The following BMS1 variants were observed in gnomAD, a reference collection of about 807,000 sequenced individuals.
BMS1 encodes BMS1 ribosome biogenesis factor.
Under a neutral mutation model 138.7 loss-of-function variants are expected in BMS1, and 53 were observed. The ratio of observed to expected loss-of-function variants is 0.38; its 90% CI spans 0.31 to 0.48. The LOEUF (loss-of-function observed/expected upper bound fraction) is 0.48, where lower values mean the gene tolerates loss of function less well. Ranked by LOEUF, BMS1 falls within the 20% of genes least tolerant of loss-of-function variation. BMS1 has a pLI of 0.97. For missense variants in BMS1, 1,360 were observed against 1,565.5 expected (o/e 0.87, Z 2.22); for synonymous variants, 504 against 539.9 (o/e 0.93, Z 0.92).
chr10:42,823,992 A>C (rs1418961980), intron 21 of BMS1, among the ~76,000 whole-genome samples: 1 of 152,244 alleles, frequency 6.6e-6, no homozygotes, highest in African/African-American at 2.4e-5. Flanking sequence ...GATTGAAGAC[A>C]AACTTTTCTT....
intron 13 of BMS1, among the ~76,000 whole-genome samples, chr10:42,804,750 G>A (rs1397251669): frequency 1.3e-5 from 2 of 151,074 alleles, no homozygotes; most frequent in Non-Finnish European, 2.9e-5. Context: ...TTTTGGGATG[G>A]AGTCTTGCTC....
At chr10:42,806,546 C>G (rs1301232891) in intron 13 of BMS1, among the ~76,000 whole-genome samples, 1 of 151,964 alleles carries the variant, frequency 6.6e-6, no homozygotes, top group Non-Finnish European at 1.5e-5. Context: ...ACCAGCCTGG[C>G]CAACATGGTG....
chr10:42,833,968 C>G lies in BMS1; in HGVS notation c.*2872C>G, dbSNP rs1413294137. ...AAAGAAGGGAGGGCATTCCAGGTAA[C>G]TGAAGCATTGCTATGCAAAGTAAGC... is the stretch of plus-strand genomic sequence containing the variant. On this transcript the variant is annotated 3_prime_UTR_variant, in exon 23 of 23. Transcript: ENST00000374518. The G allele has an allele frequency of 1.3e-5, 2 of 152,194 alleles. No individual in the cohort carries two copies. The highest frequency in any genetic ancestry group is 2.9e-5 in the Non-Finnish European group (2 of 68,034). The allele number at this position is 152,194 out of a possible 1,614,324, so 9.4% of individuals were successfully genotyped here.
intron 21 of BMS1, among the ~76,000 whole-genome samples, chr10:42,824,555 T>C (rs1192406727): frequency 2.0e-5 from 3 of 152,318 alleles, no homozygotes; most frequent in African/African-American, 7.2e-5. Context: ...AAATTATTGC[T>C]AAGGCCAACG....
chr10:42,790,524 A>G lies in BMS1; in HGVS notation c.636+13A>G. 6.2e-7 allele frequency: 1 copy of G among 1,612,654 alleles called. No homozygotes were observed. The highest frequency in any genetic ancestry group is 8.5e-7 in the Non-Finnish European group (1 of 1,178,866). ...GGAAGTTTACCCGGTACGAAGAGAA[A>G]TAATTGTTGGATACTAACAGTATAA... On this transcript the variant is annotated intron_variant, in intron 5 of 22. Transcript: ENST00000374518.
intron 12 of BMS1, among the ~76,000 whole-genome samples, chr10:42,801,122 A>G (rs548752858): frequency 6.6e-6 from 1 of 152,302 alleles, no homozygotes; most frequent in South Asian, 2.1e-4. Context: ...AGGAAATGGT[A>G]TTTCAACGTG....
intron 5 of BMS1, 76 bp downstream of exon 5, chr10:42,790,587 C>T (rs1485127716): frequency 8.2e-6 from 12 of 1,469,630 alleles, no homozygotes; most frequent in Non-Finnish European, 1.1e-5. Flanking sequence ...GGTGCAGTGG[C>T]TAACACCTGT....
chr10:42,830,508 C>G, intron 22 of BMS1, 86 bp downstream of exon 22: 1 of 1,498,784 alleles, frequency 6.7e-7, no homozygotes, highest in South Asian at 1.4e-5. Flanking sequence ...CTACTGTAGT[C>G]TCAGTTATTC....
rs1321145877 is a variant in BMS1 at position 42,823,721 on chromosome 10, C to T, written c.3393C>T (p.Thr1131=). 6.3e-7 allele frequency: 1 copy of T among 1,595,952 alleles called. No homozygotes were observed. The highest frequency in any genetic ancestry group is 2.2e-5 in the East Asian group (1 of 44,860). Reference sequence around the variant, plus strand: ...AAGACACCTGGTCAGGAATGCGGACCACGGGCCAACTCAGGCTCGCCCATG... The same window carrying T: ...AAGACACCTGGTCAGGAATGCGGACTACGGGCCAACTCAGGCTCGCCCATG... ...GEKDTWSGMR[T]TGQLRLAHGV... The change falls in exon 21 of 23, where the codon ACC becomes ACT. Residue 1131 remains threonine, a synonymous_variant. Transcript: ENST00000374518.
rs574669922 is a variant in BMS1, at chr10:42,811,734, C to T, written c.2330-4865C>T. 2.3e-4 allele frequency among the ~76,000 whole-genome samples: 34 copies of T among 150,418 alleles called. No homozygotes were observed. The East Asian group carries it at 3.6e-3, about 16-fold the overall frequency. On this transcript the variant is annotated intron_variant, in intron 13 of 22. Transcript: ENST00000374518. The stretch of plus-strand genomic sequence containing the variant: ...AGAGACGGGGTTTCACCGTTTTAGC[C>T]GGGATGGTCTCGATCTCCTGACCTC...
intron 18 of BMS1, among the ~76,000 whole-genome samples, chr10:42,821,239 A>G (rs1397485285): frequency 6.6e-6 from 1 of 152,126 alleles, no homozygotes; most frequent in Non-Finnish European, 1.5e-5. Context: ...TATCTAAGCA[A>G]GTACTTAAGC....
At chr10:42,803,130 G>A (rs1348968512) in intron 13 of BMS1, among the ~76,000 whole-genome samples, 2 of 152,040 alleles carry the variant, frequency 1.3e-5, no homozygotes, top group Non-Finnish European at 2.9e-5. Flanking sequence ...GAAGCCTCCC[G>A]AGTAGCTAGG....
chr10:42,813,522 C>G (rs1407975860), intron 13 of BMS1, among the ~76,000 whole-genome samples: 6 of 152,096 alleles, frequency 3.9e-5, no homozygotes, highest in Admixed American at 3.9e-4. Flanking sequence ...ATTTATGTCT[C>G]TTTACCTTTT....
intron 22 of BMS1, 87 bp downstream of exon 22, chr10:42,830,509 TCA>T: frequency 6.7e-7 from 1 of 1,491,636 alleles, no homozygotes; most frequent in Non-Finnish European, 9.0e-7. Flanking sequence ...TACTGTAGTC[TCA>T]GTTATTCAGG....
rs1475109988 is a variant in BMS1 at position 42,820,377 on chromosome 10, A to G, written c.2722A>G (p.Ile908Val). Residue 908 changes from isoleucine to valine, a missense_variant, in exon 16 of 23, where the codon ATC becomes GTC. This residue lies in a region of BMS1 where 425 missense variants were observed against 568.3 expected (regional missense o/e 0.75). Transcript: ENST00000374518. ...VQNFDPHYPIILGGLGNSEGN... is the reference protein window; with the variant it reads ...VQNFDPHYPIVLGGLGNSEGN... Reference sequence around the variant, plus strand: ...GAACTTTGACCCCCATTACCCCATTATCCTGGGTGGCTTGGGCAACAGTGA... The same window carrying G: ...GAACTTTGACCCCCATTACCCCATTGTCCTGGGTGGCTTGGGCAACAGTGA... The G allele has an allele frequency of 6.2e-7, 1 of 1,613,720 alleles. No homozygotes were observed. The highest frequency in any genetic ancestry group is 8.5e-7 in the Non-Finnish European group (1 of 1,179,858).
Position 42,830,960 on chromosome 10 carries a change from G to C in BMS1, c.3713G>C (p.Arg1238Thr), listed in dbSNP as rs1842785955. 6 of 1,610,040 alleles carry C rather than the reference G, an allele frequency of 3.7e-6. No homozygotes were observed. Among genetic ancestry groups the C allele is most frequent in the Non-Finnish European group, 4.2e-6 (5 of 1,178,038 alleles). ...QRHLHNKEHF[R>T]AKQKEEEEKL... is the part of the protein sequence containing the mutation. ...CACCTGCACAATAAAGAGCACTTCA[G>C]AGCCAAGCAGAAGGAGGAGGAGGAG... Residue 1238 changes from arginine to threonine, a missense_variant, in exon 23 of 23, where the codon AGA (arginine) becomes ACA (threonine). Arg to Thr is a moderately conservative substitution (Grantham distance 71). This residue lies in a region of BMS1 where 425 missense variants were observed against 568.3 expected (regional missense o/e 0.75). Transcript: ENST00000374518.
At chr10:42,783,252 C>G (rs1039345684) in intron 1 of BMS1, among the ~76,000 whole-genome samples, 22 of 152,144 alleles carry the variant, frequency 1.4e-4, no homozygotes, top group African/African-American at 5.3e-4. Context: ...GCGTTCCTAG[C>G]GCCCAGCTCT....
At chr10:42,807,432 C>A (rs1255958794) in intron 13 of BMS1, among the ~76,000 whole-genome samples, 1 of 152,042 alleles carries the variant, frequency 6.6e-6, no homozygotes, top group Non-Finnish European at 1.5e-5. Flanking sequence ...GTTTGTTTAA[C>A]CATTCATCCA....
chr10:42,794,973 C>G (rs1213883752), intron 9 of BMS1, among the ~76,000 whole-genome samples: 4 of 151,784 alleles, frequency 2.6e-5, no homozygotes, highest in Non-Finnish European at 5.9e-5. Context: ...TCCATGTGTT[C>G]TCATTGTTCA....
Sources: gnomAD v4.1 joint callset for allele counts (sites outside exome capture counted in the v4.1 genomes callset) on GRCh38, gnomAD v4.1.1 for gene constraint, gnomAD v4.1.1 regional missense constraint, MANE v1.5 for transcripts, NCBI Gene and HGNC (gene_info 2026-07-23, HGNC 2026-07-21) for gene names.